Variants in GARIN2 observed in about 807,000 individuals in gnomAD.
The protein encoded by GARIN2 is golgi associated RAB2 interactor family member 2, also known as Golgi-associated RAB2 interactor protein 2.
At chr14:67,218,370 G>A in the GARIN2 span, among the ~76,000 whole-genome samples, 1 of 152,094 alleles carries the variant, frequency 6.6e-6, no homozygotes, top group African/African-American at 2.4e-5. Flanking sequence ...TTACTGGGTG[G>A]GTGGCCCACA....
At chr14:67,199,713 C>A in the GARIN2 span, 1 of 1,583,344 alleles carries the variant, frequency 6.3e-7, no homozygotes, top group Non-Finnish European at 8.7e-7. Context: ...CCTCCTTCAC[C>A]CTCTGCCCCC....
the GARIN2 span, among the ~76,000 whole-genome samples, chr14:67,194,425 A>T: frequency 6.6e-6 from 1 of 152,018 alleles, no homozygotes; most frequent in South Asian, 2.1e-4. Context: ...AAAATATACG[A>T]TGATGAGGGG....
chr14:67,225,094 ATTC>A, the GARIN2 span: 5 of 1,535,262 alleles, frequency 3.3e-6, no homozygotes, highest in African/African-American at 1.4e-5. Context: ...TACTTTCCTT[ATTC>A]TTTTTCTTTT....
the GARIN2 span, among the ~76,000 whole-genome samples, chr14:67,191,564 T>G: frequency 6.6e-6 from 1 of 152,272 alleles, no homozygotes; most frequent in South Asian, 2.1e-4. Flanking sequence ...AATTTCCAGA[T>G]GACTGCATTT....
chr14:67,198,893 T>C, the GARIN2 span: 29 of 688,528 alleles, frequency 4.2e-5, no homozygotes, highest in South Asian at 1.4e-4. Flanking sequence ...GGGTCATACC[T>C]CTAAAGTTCC....
At chr14:67,209,375 A>C in the GARIN2 span, among the ~76,000 whole-genome samples, 1 of 152,248 alleles carries the variant, frequency 6.6e-6, no homozygotes, top group South Asian at 2.1e-4. Flanking sequence ...CAGGTGGTCA[A>C]GGCCATTTGA....
the GARIN2 span, chr14:67,208,125 T>C: frequency 3.1e-5 from 49 of 1,568,310 alleles, no homozygotes; most frequent in South Asian, 5.8e-4. Flanking sequence ...GGTGCCTGTA[T>C]TCGATACTGT....
At chr14:67,225,983 G>A in the GARIN2 span, among the ~76,000 whole-genome samples, 2 of 137,294 alleles carry the variant, frequency 1.5e-5, no homozygotes, top group Non-Finnish European at 3.3e-5. Context: ...GCGTGCGCAT[G>A]CGCGTGCATG....
the GARIN2 span, chr14:67,223,889 C>A: frequency 1.6e-5 from 16 of 985,656 alleles, no homozygotes; most frequent in Non-Finnish European, 1.9e-5. Context: ...CAAAGACTGG[C>A]TGAATCTTAA....
the GARIN2 span, chr14:67,223,678 G>C: frequency 1.1e-6 from 1 of 940,154 alleles, no homozygotes; most frequent in Non-Finnish European, 1.3e-6. Flanking sequence ...TATTTTCCCT[G>C]TTTGTTTTCT....
the GARIN2 span, among the ~76,000 whole-genome samples, chr14:67,206,832 G>A: frequency 1.3e-5 from 2 of 151,876 alleles, no homozygotes; most frequent in African/African-American, 2.4e-5. Context: ...TCAGGTTCAA[G>A]CGATTCTTAT....
chr14:67,206,820 T>G, the GARIN2 span, among the ~76,000 whole-genome samples: 1 of 147,500 alleles, frequency 6.8e-6, no homozygotes, highest in African/African-American at 2.5e-5. Context: ...AACCTCCACC[T>G]CTCAGGTTCA....
chr14:67,204,601 AAGCTGGTGAGTGGTCGAGCCTACT>A, the GARIN2 span: 1 of 1,613,784 alleles, frequency 6.2e-7, no homozygotes, highest in Non-Finnish European at 8.5e-7. Context: ...CCTGAAAGTA[AAGCTGGTGAGTGGTCGAGCCTACT>A]ACTTACAGCT....
the GARIN2 span, among the ~76,000 whole-genome samples, chr14:67,209,352 G>C: frequency 6.6e-6 from 1 of 152,200 alleles, no homozygotes; most frequent in Non-Finnish European, 1.5e-5. Context: ...AGAGGGTGGA[G>C]AGATATTTTA....
chr14:67,222,317 C>A, the GARIN2 span, among the ~76,000 whole-genome samples: 1 of 152,086 alleles, frequency 6.6e-6, no homozygotes. Context: ...TTTTGTGAGG[C>A]GTAGTCTCTG....
chr14:67,217,139 T>A, the GARIN2 span, among the ~76,000 whole-genome samples: 1 of 151,908 alleles, frequency 6.6e-6, no homozygotes. Context: ...AATTGATCCG[T>A]TTATAACTAT....
the GARIN2 span, among the ~76,000 whole-genome samples, chr14:67,200,845 G>A: frequency 6.6e-6 from 1 of 152,112 alleles, no homozygotes; most frequent in Admixed American, 6.5e-5. Context: ...CATAGTACTT[G>A]TCCAACATTG....
the GARIN2 span, among the ~76,000 whole-genome samples, chr14:67,198,567 C>T: frequency 6.6e-6 from 1 of 152,214 alleles, no homozygotes; most frequent in Non-Finnish European, 1.5e-5. Context: ...GCCATTCCAT[C>T]ATAATCTTCC....
At chr14:67,195,021 G>A in the GARIN2 span, among the ~76,000 whole-genome samples, 19 of 152,276 alleles carry the variant, frequency 1.2e-4, no homozygotes, top group Non-Finnish European at 2.4e-4. Context: ...TAATTAACTA[G>A]GATAATTGGA....
Sources: allele counts gnomAD v4.1 joint callset (sites outside exome capture counted in the v4.1 genomes callset), GRCh38; gene constraint gnomAD v4.1.1; transcripts MANE v1.5; gene names NCBI Gene and HGNC (gene_info 2026-07-23, HGNC 2026-07-21).